Variants in HIVEP1 observed in about 807,000 individuals in gnomAD.
HIVEP1 encodes the protein zinc finger protein 40.
A neutral mutation model predicts 180.0 loss-of-function variants in HIVEP1; 36 were observed. The ratio of observed to expected loss-of-function variants is 0.20; its 90% CI spans 0.15 to 0.26. HIVEP1 has a LOEUF of 0.26. Among genes scored for constraint, HIVEP1 ranks in the 10% least tolerant of loss-of-function variants. The pLI is 1.00. For missense variants in HIVEP1, 3,143 were observed against 3,268.7 expected (o/e 0.96, Z 0.94); for synonymous variants, 1,239 against 1,239.0 (o/e 1.00, Z 0.00).
intron 2 of HIVEP1, among the ~76,000 whole-genome samples, chr6:12,050,213 C>T (rs1430413678): frequency 6.6e-6 from 1 of 152,248 alleles, no homozygotes; most frequent in African/African-American, 2.4e-5. Context: ...CACATGCTCT[C>T]TACTTGCCAG....
At chr6:12,133,903 G>A (rs1454659902) in intron 6 of HIVEP1, among the ~76,000 whole-genome samples, 2 of 151,940 alleles carry the variant, frequency 1.3e-5, no homozygotes, top group African/African-American at 2.4e-5. Context: ...GCTTGAACCC[G>A]GGAGATGGAG....
intron 7 of HIVEP1, among the ~76,000 whole-genome samples, chr6:12,157,413 T>C (rs984441693): frequency 2.0e-5 from 3 of 152,212 alleles, no homozygotes; most frequent in Non-Finnish European, 4.4e-5. Context: ...TTCTCTAGTA[T>C]TAACTGAGTG....
At chr6:12,153,865 G>A (rs1449924732) in intron 7 of HIVEP1, among the ~76,000 whole-genome samples, 1 of 152,102 alleles carries the variant, frequency 6.6e-6, no homozygotes, top group East Asian at 1.9e-4. Flanking sequence ...ACCCTAGAGC[G>A]GGCTGGGTGC....
chr6:12,089,263 A>G, intron 3 of HIVEP1, 26 bp downstream of exon 3: 1 of 1,397,800 alleles, frequency 7.2e-7, no homozygotes, highest in Non-Finnish European at 1.0e-6. Context: ...CTTGAATGTA[A>G]ACTTTATTCT....
chr6:12,163,203 A>G, intron 8 of HIVEP1, 80 bp from the exon 9 acceptor site: 1 of 992,030 alleles, frequency 1.0e-6, no homozygotes. Flanking sequence ...CATTGTGAAG[A>G]AATAGATTTA....
chr6:12,055,311 A>C (rs930314586), intron 2 of HIVEP1, among the ~76,000 whole-genome samples: 3 of 152,060 alleles, frequency 2.0e-5, no homozygotes, highest in Non-Finnish European at 4.4e-5. Flanking sequence ...CGTCTCTACT[A>C]AAAATGCAAA....
chr6:12,080,705 A>T (rs189271013), intron 2 of HIVEP1, among the ~76,000 whole-genome samples: 13 of 152,298 alleles, frequency 8.5e-5, no homozygotes, highest in Admixed American at 8.5e-4. Flanking sequence ...CAATGGAAAC[A>T]TGCTTTCTGA....
At chr6:12,040,403 C>T (rs1361889066) in intron 2 of HIVEP1, among the ~76,000 whole-genome samples, 1 of 152,112 alleles carries the variant, frequency 6.6e-6, no homozygotes, top group East Asian at 1.9e-4. Flanking sequence ...TTCCTTCTGT[C>T]TTTAATAAAG....
At chr6:12,182,118 C>T in the HIVEP1 span, among the ~76,000 whole-genome samples, 4 of 152,062 alleles carry the variant, frequency 2.6e-5, no homozygotes, top group African/African-American at 4.8e-5. Flanking sequence ...TCAAGCACTT[C>T]CTGTATTAAC....
chr6:12,083,441 A>G (rs1421018160), intron 2 of HIVEP1, among the ~76,000 whole-genome samples: 1 of 152,178 alleles, frequency 6.6e-6, no homozygotes, highest in Non-Finnish European at 1.5e-5. Context: ...TCAAGGGTCT[A>G]GTGACCCTGG....
At chr6:12,074,983 T>A (rs1286370097) in intron 2 of HIVEP1, among the ~76,000 whole-genome samples, 1 of 152,238 alleles carries the variant, frequency 6.6e-6, no homozygotes, top group Non-Finnish European at 1.5e-5. Context: ...AGATATCGTT[T>A]AAATTTCAAA....
rs745394621 is a variant in HIVEP1 at position 12,123,993 on chromosome 6, C to T, written c.4198C>T (p.Pro1400Ser). The change falls in exon 4 of 9, where the codon CCA becomes TCA. Residue 1400 changes from proline to serine, a missense_variant. By Grantham distance (74) the Pro-to-Ser change is moderately conservative. Transcript: ENST00000379388. ...CGSITPPQTTPLTELQPPSSP... is the reference protein window; with the variant it reads ...CGSITPPQTTSLTELQPPSSP... ...AAGCATCACCCCACCCCAGACAACACCACTTACTGAATTGCAGCCTCCATC... is the reference window on the plus strand; with the variant it reads ...AAGCATCACCCCACCCCAGACAACATCACTTACTGAATTGCAGCCTCCATC... 1 of 1,614,128 alleles carries T rather than the reference C, an allele frequency of 6.2e-7. No individual in the cohort carries two copies. Among genetic ancestry groups the T allele is most frequent in the South Asian group, 1.1e-5 (1 of 91,060 alleles).
chr6:12,208,895 A>G, the HIVEP1 span, among the ~76,000 whole-genome samples: 18 of 151,152 alleles, frequency 1.2e-4, no homozygotes, highest in African/African-American at 4.4e-4. Flanking sequence ...CTATCTGACT[A>G]ATACAGTGGG....
chr6:12,102,806 G>A (rs183811758), intron 3 of HIVEP1, among the ~76,000 whole-genome samples: 99 of 152,292 alleles, frequency 6.5e-4, no homozygotes, highest in Non-Finnish European at 1.1e-3. Context: ...GTCAGAGCAT[G>A]TTAAGAGCTG....
At chr6:12,026,555 ATTAGAT>A in intron 2 of HIVEP1, among the ~76,000 whole-genome samples, 1 of 152,342 alleles carries the variant, frequency 6.6e-6, no homozygotes. Flanking sequence ...AAGGAAACTT[ATTAGAT>A]TTAATGTGTT....
At chr6:12,030,605 A>G (rs1170761380) in intron 2 of HIVEP1, among the ~76,000 whole-genome samples, 1 of 152,056 alleles carries the variant, frequency 6.6e-6, no homozygotes, top group Non-Finnish European at 1.5e-5. Context: ...TCAACTCTAG[A>G]ATTTCTATTT....
chr6:12,065,471 A>G (rs1771508160), intron 2 of HIVEP1, among the ~76,000 whole-genome samples: 1 of 152,174 alleles, frequency 6.6e-6, no homozygotes, highest in South Asian at 2.1e-4. Flanking sequence ...GTCAGGCAGG[A>G]CGCCCTTTTG....
intron 2 of HIVEP1, among the ~76,000 whole-genome samples, chr6:12,069,212 G>A (rs1214203433): frequency 6.6e-6 from 1 of 152,202 alleles, no homozygotes; most frequent in Non-Finnish European, 1.5e-5. Flanking sequence ...AACCTGCACA[G>A]CATGTTCATT....
intron 2 of HIVEP1, among the ~76,000 whole-genome samples, chr6:12,074,642 G>GTGTGTT (rs761745306): frequency 2.0e-5 from 3 of 150,244 alleles, no homozygotes; most frequent in African/African-American, 4.9e-5. Flanking sequence ...GTGTGTGTGT[G>GTGTGTT]TGCGCGCGCG....
Sources: gnomAD v4.1 joint callset for allele counts (sites outside exome capture counted in the v4.1 genomes callset) on GRCh38, gnomAD v4.1.1 for gene constraint, MANE v1.5 for transcripts, NCBI Gene and HGNC (gene_info 2026-07-23, HGNC 2026-07-21) for gene names.